Variants in RBFOX1 observed in about 807,000 individuals in gnomAD.
RBFOX1 encodes RNA binding fox-1 homolog 1, also known as RNA binding protein fox-1 homolog 1.
Under a neutral mutation model 57.7 loss-of-function variants are expected in RBFOX1, and 8 were observed. The ratio of observed to expected loss-of-function variants is 0.14; its 90% CI spans 0.08 to 0.25. RBFOX1 has a LOEUF of 0.25. Among genes scored for constraint, RBFOX1 ranks in the 10% least tolerant of loss-of-function variants. RBFOX1 has a pLI of 1.00. For missense variants in RBFOX1, 611 were observed against 548.5 expected, an observed-to-expected ratio of 1.11 and a Z score of -1.14; for synonymous variants, 326 against 222.4, an observed-to-expected ratio of 1.47 and a Z score of -4.15.
chr16:7,081,263 G>C (rs1278937082), intron 4 of RBFOX1, among the ~76,000 whole-genome samples: 1 of 152,224 alleles, frequency 6.6e-6, no homozygotes, highest in Non-Finnish European at 1.5e-5. Context: ...TTGAACTGCT[G>C]ACCTCAAGTG....
At chr16:7,612,018 G>C (rs1315371564) in intron 10 of RBFOX1, among the ~76,000 whole-genome samples, 1 of 152,032 alleles carries the variant, frequency 6.6e-6, no homozygotes, top group Non-Finnish European at 1.5e-5. Context: ...GAGTCCTTGA[G>C]GCTTATTCAA....
intron 4 of RBFOX1, among the ~76,000 whole-genome samples, chr16:7,342,705 G>T (rs1324508637): frequency 6.6e-6 from 1 of 152,102 alleles, no homozygotes; most frequent in Non-Finnish European, 1.5e-5. Context: ...GAGAGGGAGA[G>T]ATGCCACCAT....
At position 7,062,893 on chromosome 16, in the gene RBFOX1, ATTTTTTTTTTTTT is replaced by A. The variant is rs1170936027; in HGVS notation, c.27+10818_27+10830del. 5.1e-3 allele frequency among the ~76,000 whole-genome samples: 240 copies of A among 47,298 alleles called. 3 individuals carry two copies. The highest frequency in any genetic ancestry group is 7.4e-3 in the Non-Finnish European group (193 of 25,974). 31.0% of individuals were successfully genotyped at this position (47,298 alleles called of 152,430 possible). A position where few individuals can be genotyped will look rare whatever the true frequency, so the allele number is the denominator to read the frequency against. ...ACCTCATCTCATTCAAATGATCGCCATTTTTTTTTTTTTTTTTTTTTTTTTTTTTTTTTTTGCT... is the reference window on the plus strand; with the variant it reads ...ACCTCATCTCATTCAAATGATCGCCATTTTTTTTTTTTTTTTTTTTTTGCT... On this transcript the variant is annotated intron_variant, in intron 4 of 15. Coordinates refer to ENST00000550418, the MANE Select transcript of RBFOX1 (RefSeq NM_018723.4).
intron 2 of RBFOX1, among the ~76,000 whole-genome samples, chr16:5,578,545 C>A (rs927067125): frequency 6.6e-6 from 1 of 152,140 alleles, no homozygotes; most frequent in African/African-American, 2.4e-5. Context: ...ACACGAAAAA[C>A]CACTGGGAGA....
At chr16:6,291,953 G>T (rs1275891629) in intron 1 of RBFOX1, among the ~76,000 whole-genome samples, 2 of 151,832 alleles carry the variant, frequency 1.3e-5, no homozygotes, top group African/African-American at 2.4e-5. Flanking sequence ...GAATGAATGT[G>T]TGTGTGTGTG....
intron 10 of RBFOX1, among the ~76,000 whole-genome samples, chr16:7,607,782 G>C (rs1900029883): frequency 6.6e-6 from 1 of 152,176 alleles, no homozygotes. Context: ...GAGTGATTTA[G>C]AATTGCCAAG....
At chr16:7,292,245 A>ATATAT (rs1491295728) in intron 4 of RBFOX1, among the ~76,000 whole-genome samples, 2 of 91,188 alleles carry the variant, frequency 2.2e-5, no homozygotes, top group Non-Finnish European at 2.1e-5. Context: ...ATTATATATC[A>ATATAT]TATATATGAT....
intron 1 of RBFOX1, among the ~76,000 whole-genome samples, chr16:5,293,892 A>G (rs373990891): frequency 6.6e-6 from 1 of 152,192 alleles, no homozygotes; most frequent in Admixed American, 6.5e-5. Context: ...ACTGAAGTGT[A>G]TGCTTTCACA....
At chr16:5,296,761 C>T (rs1226393518) in intron 1 of RBFOX1, among the ~76,000 whole-genome samples, 2 of 151,788 alleles carry the variant, frequency 1.3e-5, no homozygotes, top group Non-Finnish European at 2.9e-5. Flanking sequence ...TCACTGTAAC[C>T]TCTGCCTCCT....
At chr16:5,639,404 C>G (rs4786743) in intron 3 of RBFOX1, among the ~76,000 whole-genome samples, 79,474 of 152,070 alleles carry the variant, frequency 0.52, 24,774 homozygotes, top group Non-Finnish European at 0.71. Flanking sequence ...GATTACTTGT[C>G]AATGTTTCAA....
chr16:5,464,327 C>T (rs150443089), intron 1 of RBFOX1, among the ~76,000 whole-genome samples: 19 of 152,342 alleles, frequency 1.2e-4, no homozygotes, highest in South Asian at 8.3e-4. Context: ...GAATGATTCT[C>T]TTGGAGGGCA....
intron 3 of RBFOX1, among the ~76,000 whole-genome samples, chr16:5,662,883 A>G (rs1373428539): frequency 6.6e-6 from 1 of 152,216 alleles, no homozygotes. Context: ...CTGTTAGGTT[A>G]AAAGGATTAA....
At chr16:5,340,452 A>G (rs1387470391) in intron 1 of RBFOX1, among the ~76,000 whole-genome samples, 1 of 152,212 alleles carries the variant, frequency 6.6e-6, no homozygotes, top group Admixed American at 6.5e-5. Context: ...TAATTCTATG[A>G]TCTGTCAGGG....
At chr16:5,900,865 T>A (rs1280785995) in intron 4 of RBFOX1, among the ~76,000 whole-genome samples, 1 of 152,052 alleles carries the variant, frequency 6.6e-6, no homozygotes, top group Non-Finnish European at 1.5e-5. Context: ...GAGCCCCTAT[T>A]CCAAAAAACC....
chr16:6,226,374 C>CAGA, intron 1 of RBFOX1, among the ~76,000 whole-genome samples: 1 of 86,560 alleles, frequency 1.2e-5, no homozygotes, highest in East Asian at 3.5e-4. Context: ...ACTCTGTCTC[C>CAGA]AAAAAAAAAA....
intron 3 of RBFOX1, among the ~76,000 whole-genome samples, chr16:7,001,645 C>T (rs868046400): frequency 5.3e-5 from 8 of 151,882 alleles, no homozygotes; most frequent in African/African-American, 1.7e-4. Flanking sequence ...TTAGTAGAGA[C>T]AGGGTTTCAC....
intron 2 of RBFOX1, among the ~76,000 whole-genome samples, chr16:6,405,683 G>A (rs1209674561): frequency 2.0e-5 from 3 of 152,148 alleles, no homozygotes; most frequent in Admixed American, 2.0e-4. Context: ...TAACACAAGG[G>A]TCCAAGAGGT....
chr16:5,572,074 C>T (rs1001241699), intron 2 of RBFOX1, among the ~76,000 whole-genome samples: 8 of 152,034 alleles, frequency 5.3e-5, no homozygotes, highest in Admixed American at 3.9e-4. Flanking sequence ...CTCTGCAGCA[C>T]ATCTCAGGTG....
intron 2 of RBFOX1, among the ~76,000 whole-genome samples, chr16:6,437,607 A>G (rs1361269747): frequency 6.6e-6 from 1 of 152,154 alleles, no homozygotes; most frequent in Non-Finnish European, 1.5e-5. Context: ...ACTACCTGAG[A>G]CTGTGTAATT....
Sources: allele counts gnomAD v4.1 joint callset (sites outside exome capture counted in the v4.1 genomes callset), GRCh38; gene constraint gnomAD v4.1.1; transcripts MANE v1.5; gene names NCBI Gene and HGNC (gene_info 2026-07-23, HGNC 2026-07-21).